The following KMT2C variants were observed in gnomAD, a reference collection of about 807,000 sequenced individuals.
The protein encoded by KMT2C is histone-lysine N-methyltransferase 2C.
In KMT2C, 88 loss-of-function variants were observed where a neutral mutation model predicts 507.9. The ratio of observed to expected loss-of-function variants is 0.17; its 90% CI spans 0.15 to 0.21. KMT2C has a LOEUF of 0.21. Among genes scored for constraint, KMT2C ranks in the 10% least tolerant of loss-of-function variants. KMT2C has a pLI of 1.00. For synonymous variants in KMT2C, 2,049 were observed against 2,080.8 expected (o/e 0.98, Z 0.42); for missense variants, 4,954 against 5,957.8 (o/e 0.83, Z 5.55).
At chr7:152,228,789 A>C (rs2095016532) in intron 18 of KMT2C, among the ~76,000 whole-genome samples, 1 of 152,202 alleles carries the variant, frequency 6.6e-6, no homozygotes, top group Non-Finnish European at 1.5e-5. Context: ...AAAGAAGAAA[A>C]GAAACATGTT....
At chr7:152,385,226 C>T (rs1171186155) in intron 1 of KMT2C, among the ~76,000 whole-genome samples, 1 of 152,060 alleles carries the variant, frequency 6.6e-6, no homozygotes, top group African/African-American at 2.4e-5. Context: ...ATTTCTTTAA[C>T]AAATAAATTG....
At chr7:152,282,285 G>T (rs1287413711) in intron 6 of KMT2C, among the ~76,000 whole-genome samples, 4 of 150,070 alleles carry the variant, frequency 2.7e-5, no homozygotes. Flanking sequence ...TGACAGAGCT[G>T]GACCTTGTCT....
At chr7:152,390,960 G>C (rs2097489014) in intron 1 of KMT2C, among the ~76,000 whole-genome samples, 1 of 151,718 alleles carries the variant, frequency 6.6e-6, no homozygotes, top group South Asian at 2.1e-4. Flanking sequence ...GCCTGGCTAA[G>C]ATGGTGAAAC....
In KMT2C at chr7:152,148,482, A is replaced by G. The variant is rs2091349847; in HGVS notation, c.13445T>C (p.Ile4482Thr). The G allele has an allele frequency of 1.2e-6, 2 of 1,614,254 alleles. No homozygotes were observed. The highest frequency in any genetic ancestry group is 1.7e-6 in the Non-Finnish European group (2 of 1,180,046). The change falls in exon 52 of 59, where the codon ATT becomes ACT. Residue 4482 changes from isoleucine (I) to threonine (T), a missense_variant. Coordinates refer to ENST00000262189, the MANE Select transcript of KMT2C (RefSeq NM_170606.3). The surrounding 1 kb of genome is among the most constrained non-coding windows in gnomAD (Gnocchi z 7.1). The stretch of plus-strand genomic sequence containing the variant: ...TTTAATGGCGCAAGTGAAGTGATAA[A>G]TGTTGGTGCATCGAAATCTGTGGCA... Reference protein sequence around the residue: ...SGCHRFRCTNIYHFTCAIKAQ... With the variant: ...SGCHRFRCTNTYHFTCAIKAQ...
chr7:152,367,792 T>G, intron 1 of KMT2C: 1 of 955,854 alleles, frequency 1.0e-6, no homozygotes, highest in South Asian at 1.3e-5. Flanking sequence ...GAATCACGAG[T>G]GAACAGACGT....
rs569368113 is a variant in KMT2C, at chr7:152,139,856, C to A, written c.14344-65G>T. On this transcript the variant is annotated intron_variant, in intron 55 of 58. Coordinates refer to ENST00000262189, the MANE Select transcript of KMT2C (RefSeq NM_170606.3). ...ACAAGTCTTTTTTCTGTTTTTCATACAAAGGTTTCACCCTCGGGTCTTATT... is the reference window on the plus strand; with the variant it reads ...ACAAGTCTTTTTTCTGTTTTTCATAAAAAGGTTTCACCCTCGGGTCTTATT... The A allele has an allele frequency of 2.0e-5, 24 of 1,172,448 alleles. No individual in the cohort carries two copies. The African/African-American group carries it at 2.4e-4, about 12-fold the overall frequency. The allele number at this position is 1,172,448 out of a possible 1,614,324, so 72.6% of individuals were successfully genotyped here.
chr7:152,214,658 A>T (rs2094529812), intron 23 of KMT2C, among the ~76,000 whole-genome samples: 1 of 152,360 alleles, frequency 6.6e-6, no homozygotes, highest in South Asian at 2.1e-4. Flanking sequence ...GACAACATGG[A>T]TGAACCGGGA....
chr7:152,178,548 T>C (rs2093312632), intron 37 of KMT2C, among the ~76,000 whole-genome samples: 1 of 152,156 alleles, frequency 6.6e-6, no homozygotes, highest in African/African-American at 2.4e-5. Flanking sequence ...ATTAAGTAAA[T>C]GTATAAATTG....
At chr7:152,344,309 C>G (rs1227589253) in intron 2 of KMT2C, among the ~76,000 whole-genome samples, 1 of 152,170 alleles carries the variant, frequency 6.6e-6, no homozygotes, top group South Asian at 2.1e-4. Flanking sequence ...TTCAATCATA[C>G]TAAGATGGCT....
intron 6 of KMT2C, among the ~76,000 whole-genome samples, chr7:152,299,954 G>A (rs920139667): frequency 1.3e-5 from 2 of 152,036 alleles, no homozygotes; most frequent in African/African-American, 4.8e-5. Context: ...CTAATATGAG[G>A]CAAAGCATAT....
At chr7:152,410,655 T>A (rs574009306) in intron 1 of KMT2C, among the ~76,000 whole-genome samples, 1 of 148,114 alleles carries the variant, frequency 6.8e-6, no homozygotes, top group East Asian at 1.9e-4. Context: ...ATAATTTTTA[T>A]ATATGAGATT....
chr7:152,249,673 C>CAAAAAA (rs1183345172), intron 13 of KMT2C, among the ~76,000 whole-genome samples: 7 of 34,518 alleles, frequency 2.0e-4, no homozygotes, highest in African/African-American at 4.7e-4. Context: ...CTCCCCCCTC[C>CAAAAAA]AAAAAAAAAA....
intron 6 of KMT2C, among the ~76,000 whole-genome samples, chr7:152,306,348 T>C (rs1376937774): frequency 6.6e-6 from 1 of 152,136 alleles, no homozygotes; most frequent in African/African-American, 2.4e-5. Flanking sequence ...TACTGACAAA[T>C]ATACTCTGAG....
At chr7:152,241,470 G>GT (rs1351520783) in intron 14 of KMT2C, among the ~76,000 whole-genome samples, 1 of 152,194 alleles carries the variant, frequency 6.6e-6, no homozygotes, top group Non-Finnish European at 1.5e-5. Context: ...GATTACAGAC[G>GT]TGAGCCACCA....
intron 6 of KMT2C, among the ~76,000 whole-genome samples, chr7:152,284,163 GAT>G (rs2096262290): frequency 6.6e-6 from 1 of 152,056 alleles, no homozygotes; most frequent in African/African-American, 2.4e-5. Flanking sequence ...CTGTTTTAAA[GAT>G]ATGTAATTGT....
chr7:152,360,266 T>TC (rs1250894665), intron 1 of KMT2C, among the ~76,000 whole-genome samples: 1 of 151,508 alleles, frequency 6.6e-6, no homozygotes. Flanking sequence ...TCACCTGAGG[T>TC]CAGGAGTTCA....
intron 1 of KMT2C, among the ~76,000 whole-genome samples, chr7:152,396,934 CAAGTACAAGGATATTCCTTACA>C (rs537341960): frequency 6.6e-6 from 1 of 152,284 alleles, no homozygotes; most frequent in Non-Finnish European, 1.5e-5. Flanking sequence ...TACAAATACA[CAAGTACAAGGATATTCCTTACA>C]AAGATAATAA....
At chr7:152,419,470 T>C (rs1231939926) in intron 1 of KMT2C, among the ~76,000 whole-genome samples, 7 of 152,190 alleles carry the variant, frequency 4.6e-5, no homozygotes, top group African/African-American at 1.7e-4. Context: ...AATTATAAAA[T>C]ACTACAAACA....
At chr7:152,284,881 G>A (rs891227516) in intron 6 of KMT2C, among the ~76,000 whole-genome samples, 1 of 152,228 alleles carries the variant, frequency 6.6e-6, no homozygotes, top group Non-Finnish European at 1.5e-5. Flanking sequence ...ATGCCAACCA[G>A]ATGGCTAAAA....
Sources: gnomAD v4.1 joint callset for allele counts (sites outside exome capture counted in the v4.1 genomes callset) on GRCh38, gnomAD v4.1.1 for gene constraint, Gnocchi (gnomAD v3.1) non-coding constraint, MANE v1.5 for transcripts, NCBI Gene and HGNC (gene_info 2026-07-23, HGNC 2026-07-21) for gene names.